Variants in GLRA1 observed in about 807,000 individuals in gnomAD.
GLRA1 encodes glycine receptor alpha 1, also known as glycine receptor subunit alpha-1.
In GLRA1, 37 loss-of-function variants were observed where a neutral mutation model predicts 48.3. The ratio of observed to expected loss-of-function variants is 0.77; its 90% CI spans 0.59 to 1.01. The LOEUF (loss-of-function observed/expected upper bound fraction) is 1.01. Among genes scored for constraint, GLRA1 ranks in the 50% least tolerant of loss-of-function variants. The pLI is 0.00. For synonymous variants in GLRA1, 196 were observed against 210.7 expected (o/e 0.93, Z 0.60); for missense variants, 427 against 571.0 (o/e 0.75, Z 2.57).
rs1753202170 is a variant in GLRA1 at position 151,861,450 on chromosome 5, T to C, written c.253-1442A>G. 5.3e-5 allele frequency among the ~76,000 whole-genome samples: 8 copies of C among 152,242 alleles called. No homozygotes were observed. In the South Asian group the frequency reaches 1.4e-3, roughly 28 times the overall value. On this transcript the variant is annotated intron_variant, in intron 3 of 8. Coordinates refer to ENST00000274576, the MANE Select transcript of GLRA1 (RefSeq NM_000171.4). ...GGTGTGAGATGGTATCTCATTGTGG[T>C]TTTGATTTGCATTTCTCTGATGGCC...
At chr5:151,852,618 C>T (rs924405509) in intron 6 of GLRA1, among the ~76,000 whole-genome samples, 5 of 152,346 alleles carry the variant, frequency 3.3e-5, no homozygotes, top group African/African-American at 1.2e-4. Flanking sequence ...TAGGCAGGGA[C>T]TTGTCAGTCT....
At chr5:151,904,211 G>A (rs1408162750) in intron 1 of GLRA1, among the ~76,000 whole-genome samples, 1 of 152,128 alleles carries the variant, frequency 6.6e-6, no homozygotes, top group African/African-American at 2.4e-5. Context: ...TCGTTGCTGA[G>A]GTTTTCTTCT....
intron 1 of GLRA1, among the ~76,000 whole-genome samples, chr5:151,913,905 A>G (rs977024687): frequency 2.6e-5 from 4 of 152,210 alleles, no homozygotes; most frequent in African/African-American, 9.6e-5. Flanking sequence ...CGAAGGAAGC[A>G]CTCATGTTTT....
chr5:151,855,057 G>A lies in GLRA1; in HGVS notation c.680C>T (p.Thr227Ile). Residue 227 changes from threonine (T) to isoleucine (I), a missense_variant, in exon 6 of 9, where the codon ACC becomes ATC. Transcript: ENST00000274576. ...GTACCTACCTGTGTTGTAGTGCTTGGTGCAGTATCTCAAGTCCTTCTCTTC... is the reference window on the plus strand; with the variant it reads ...GTACCTACCTGTGTTGTAGTGCTTGATGCAGTATCTCAAGTCCTTCTCTTC... ...LKEEKDLRYC[T>I]KHYNTGKFTC... 1 of 1,614,136 alleles carries A rather than the reference G, an allele frequency of 6.2e-7. No homozygotes were observed. Among genetic ancestry groups the A allele is most frequent in the Non-Finnish European group, 8.5e-7 (1 of 1,180,000 alleles).
chr5:151,903,855 G>A (rs1169319692), intron 1 of GLRA1, among the ~76,000 whole-genome samples: 2 of 152,152 alleles, frequency 1.3e-5, no homozygotes, highest in African/African-American at 4.8e-5. Flanking sequence ...TTTCAGATGA[G>A]AAAACTGAGA....
At chr5:151,892,967 C>T (rs749295692) in intron 1 of GLRA1, among the ~76,000 whole-genome samples, 2 of 152,190 alleles carry the variant, frequency 1.3e-5, no homozygotes, top group Non-Finnish European at 2.9e-5. Context: ...CCTCAAGTCT[C>T]CTCAGAAGCT....
chr5:151,843,636 C>G (rs1340166979), intron 7 of GLRA1, among the ~76,000 whole-genome samples: 1 of 152,052 alleles, frequency 6.6e-6, no homozygotes, highest in Non-Finnish European at 1.5e-5. Flanking sequence ...AAAAGTAGAA[C>G]AAAATTGGAG....
intron 8 of GLRA1, among the ~76,000 whole-genome samples, chr5:151,823,243 G>A (rs1763189630): frequency 6.6e-6 from 1 of 152,180 alleles, no homozygotes; most frequent in Admixed American, 6.5e-5. Flanking sequence ...ATTGCTGGTT[G>A]TATGACCATA....
chr5:151,832,707 C>A (rs1189636156), intron 7 of GLRA1, among the ~76,000 whole-genome samples: 1 of 152,178 alleles, frequency 6.6e-6, no homozygotes, highest in African/African-American at 2.4e-5. Flanking sequence ...GAGAATGGAA[C>A]CAAGTTGAAA....
intron 8 of GLRA1, among the ~76,000 whole-genome samples, chr5:151,828,517 A>G (rs2113288962): frequency 6.6e-6 from 1 of 152,234 alleles, no homozygotes; most frequent in East Asian, 1.9e-4. Context: ...TTCTACGTTA[A>G]GATCTCACCT....
chr5:151,850,566 A>G, intron 7 of GLRA1: 1 of 1,358,048 alleles, frequency 7.4e-7, no homozygotes, highest in East Asian at 2.3e-5. Context: ...GACAAAGCCC[A>G]ACACCTAGCT....
chr5:151,916,680 A>G (rs1199013637), intron 1 of GLRA1, among the ~76,000 whole-genome samples: 1 of 152,242 alleles, frequency 6.6e-6, no homozygotes, highest in Non-Finnish European at 1.5e-5. Context: ...CTTTGGAGAA[A>G]GAAACCACAT....
chr5:151,880,438 A>C (rs1753732011), intron 3 of GLRA1, among the ~76,000 whole-genome samples: 1 of 152,188 alleles, frequency 6.6e-6, no homozygotes, highest in Admixed American at 6.5e-5. Context: ...AAACTTGTGG[A>C]CTGTAGTTGC....
chr5:151,868,095 T>G (rs1040596709), intron 3 of GLRA1, among the ~76,000 whole-genome samples: 2 of 152,212 alleles, frequency 1.3e-5, no homozygotes, highest in African/African-American at 4.8e-5. Context: ...ATCATCATTC[T>G]TATCATCATG....
intron 7 of GLRA1, among the ~76,000 whole-genome samples, chr5:151,839,337 A>G (rs1763654717): frequency 6.8e-6 from 1 of 146,648 alleles, no homozygotes; most frequent in Non-Finnish European, 1.5e-5. Flanking sequence ...TGCATAGGTA[A>G]ATATTCAAGA....
intron 7 of GLRA1, among the ~76,000 whole-genome samples, chr5:151,841,008 T>C (rs1171590258): frequency 1.3e-5 from 2 of 152,202 alleles, no homozygotes; most frequent in Non-Finnish European, 2.9e-5. Context: ...AAAAACTTAA[T>C]TGACACTGTA....
At chr5:151,916,917 G>A (rs1478993622) in intron 1 of GLRA1, among the ~76,000 whole-genome samples, 4 of 152,126 alleles carry the variant, frequency 2.6e-5, no homozygotes, top group African/African-American at 9.7e-5. Flanking sequence ...AGAACCCTCT[G>A]GAAGGGTGAG....
chr5:151,855,796 C>T (rs1419744640), intron 5 of GLRA1, among the ~76,000 whole-genome samples: 1 of 152,214 alleles, frequency 6.6e-6, no homozygotes, highest in African/African-American at 2.4e-5. Context: ...TCAAAGGAGT[C>T]TGCTATCCAA....
In GLRA1 at chr5:151,852,576, G is replaced by A. The variant is rs77384926; in HGVS notation, c.698-972C>T. On this transcript the variant is annotated intron_variant, in intron 6 of 8. Transcript: ENST00000274576. ...TTCCTGTCTACTGAAGCACAATAGC[G>A]AATTTCCTGGAGTTCCCTGGACTGT... 1.4e-3 allele frequency among the ~76,000 whole-genome samples: 215 copies of A among 152,326 alleles called. 2 individuals are homozygous for A. The East Asian group carries it at 0.015, about 11-fold the overall frequency.
Sources: allele counts gnomAD v4.1 joint callset (sites outside exome capture counted in the v4.1 genomes callset), GRCh38; gene constraint gnomAD v4.1.1; transcripts MANE v1.5; gene names NCBI Gene and HGNC (gene_info 2026-07-23, HGNC 2026-07-21).